PPP1CA: variants seen among roughly 807,000 people sequenced by gnomAD.
The protein encoded by PPP1CA is serine/threonine-protein phosphatase PP1-alpha catalytic subunit.
A neutral mutation model predicts 38.5 loss-of-function variants in PPP1CA; 14 were observed. The observed-to-expected ratio is 0.36, with a 90% CI of 0.24 to 0.57. The LOEUF is 0.57. PPP1CA is among the 20% of genes least tolerant of loss of function. PPP1CA has a pLI of 0.80. For missense variants in PPP1CA, 277 were observed against 435.2 expected (o/e 0.64, Z 3.23); for synonymous variants, 200 against 177.3 (o/e 1.13, Z -1.02).
chr11:67,400,360 C>T (rs1443158893), intron 3 of PPP1CA, among the ~76,000 whole-genome samples: 1 of 152,236 alleles, frequency 6.6e-6, no homozygotes, highest in Non-Finnish European at 1.5e-5. Context: ...TGAGCCGGGC[C>T]AAGTCCAGGT....
In PPP1CA at chr11:67,399,604, G is replaced by A; in HGVS notation, c.480C>T (p.Pro160=). The change falls in exon 4 of 7, where the codon CCC becomes CCT. Residue 160 remains proline (P), a synonymous_variant. Transcript: ENST00000376745. ...KTFTDCFNCL[P]IAAIVDEKIF... ...TCTTTTCGTCCACTATGGCCGCGAT[G>A]GGCAGGCAGTTGAAGCAGTCAGTGA... is the stretch of plus-strand genomic sequence containing the variant. The A allele has an allele frequency of 1.9e-6, 3 of 1,614,082 alleles. No individual in the cohort carries two copies. Among genetic ancestry groups the A allele is most frequent in the Non-Finnish European group, 2.5e-6 (3 of 1,179,980 alleles).
rs776853710 is a variant in PPP1CA, at chr11:67,398,741, G to A, written c.863C>T (p.Thr288Ile). The change falls in exon 6 of 7, where the codon ACC becomes ATC. Residue 288 changes from threonine to isoleucine, a missense_variant. Thr to Ile is a moderately conservative substitution (Grantham distance 89). Around this residue, in one of 3 missense-constraint regions of PPP1CA, gnomAD observed 180 missense variants for 356.7 expected, o/e 0.50. Coordinates refer to ENST00000376745, the MANE Select transcript of PPP1CA (RefSeq NM_002708.4). ...NAGAMMSVDE[T>I]LMCSFQILKP... ...ACTCACCTGGAAAGAGCACATGAGG[G>A]TCTCGTCCACACTCATCATGGCGCC... 9 of 1,613,796 alleles carry A rather than the reference G, an allele frequency of 5.6e-6. No homozygotes were observed. The highest frequency in any genetic ancestry group is 5.9e-6 in the Non-Finnish European group (7 of 1,180,016).
In PPP1CA at chr11:67,399,199, G is replaced by C. The variant is rs755238731; in HGVS notation, c.524-36C>G. The stretch of plus-strand genomic sequence containing the variant: ...GGGGGAAGGTCACTTCCTCAAACAA[G>C]GACATCCTCCCTCCAGGAAGCCTTG... On this transcript the variant is annotated intron_variant, in intron 4 of 6. Coordinates refer to ENST00000376745, the MANE Select transcript of PPP1CA (RefSeq NM_002708.4). The C allele has an allele frequency of 2.5e-6, 4 of 1,579,466 alleles. No individual in the cohort carries two copies. The South Asian group carries it at 4.4e-5, about 18-fold the overall frequency.
chr11:67,401,636 A>C (rs1286724525), intron 1 of PPP1CA, 92 bp downstream of exon 1: 4 of 1,122,142 alleles, frequency 3.6e-6, no homozygotes, highest in East Asian at 7.1e-5. Context: ...CGCCCAGTCT[A>C]AGCTGGCCCC....
At position 67,398,378 on chromosome 11, in the gene PPP1CA, C is replaced by T. The variant is rs757168027; in HGVS notation, c.*157G>A. On this transcript the variant is annotated 3_prime_UTR_variant, in exon 7 of 7. Transcript: ENST00000376745. ...AGCAGCCCTGGGGGACTGGACGCTGCTATTGATTCATTAAAAAAAGAAAAG... is the reference window on the plus strand; with the variant it reads ...AGCAGCCCTGGGGGACTGGACGCTGTTATTGATTCATTAAAAAAAGAAAAG... 106 of 734,924 alleles carry T rather than the reference C, an allele frequency of 1.4e-4. 4 individuals carry two copies. The highest frequency in any genetic ancestry group is 5.8e-4 in the South Asian group (31 of 53,436). The allele number at this position is 734,924 out of a possible 1,614,324, so 45.5% of individuals were successfully genotyped here. A position where few individuals can be genotyped will look rare whatever the true frequency, so the allele number is the denominator to read the frequency against.
At position 67,399,579 on chromosome 11, in the gene PPP1CA, T is replaced by C; in HGVS notation, c.505A>G (p.Ile169Val). ...CCCTCACCTCCGTGGCAGCAGAAGA[T>C]CTTTTCGTCCACTATGGCCGCGATG... ...LPIAAIVDEK[I>V]FCCHGGLSPD... Residue 169 changes from isoleucine (I) to valine (V), a missense_variant, in exon 4 of 7, where the codon ATC becomes GTC. Around this residue, in one of 3 missense-constraint regions of PPP1CA, gnomAD observed 180 missense variants for 356.7 expected, o/e 0.50. Transcript: ENST00000376745. The C allele has an allele frequency of 6.2e-7, 1 of 1,614,054 alleles. No homozygotes were observed. The highest frequency in any genetic ancestry group is 8.5e-7 in the Non-Finnish European group (1 of 1,179,970).
intron 2 of PPP1CA, 69 bp downstream of exon 2, chr11:67,400,999 G>A: frequency 6.2e-7 from 1 of 1,608,502 alleles, no homozygotes; most frequent in South Asian, 1.1e-5. Context: ...AAGGGAGGAG[G>A]GCTCCAGGAA....
intron 3 of PPP1CA, 54 bp downstream of exon 3, chr11:67,400,635 T>C: frequency 6.6e-7 from 1 of 1,523,228 alleles, no homozygotes; most frequent in Non-Finnish European, 9.1e-7. Context: ...TCCCACTGAA[T>C]GGCAAAGAGT....
rs368989050 is a variant in PPP1CA, at chr11:67,399,009, G to A, written c.678C>T (p.Thr226=). Residue 226 remains threonine (T), a synonymous_variant, in exon 5 of 7, where the codon ACC becomes ACT. Coordinates refer to ENST00000376745, the MANE Select transcript of PPP1CA (RefSeq NM_002708.4). ...WGENDRGVSF[T]FGAEVVAKFL... is the part of the protein sequence containing the mutation. ...ACTTGGCCACCACCTCGGCTCCAAA[G>A]GTAAAAGAGACGCCACGGTCGTTCT... is the stretch of plus-strand genomic sequence containing the variant. 7.4e-6 allele frequency: 12 copies of A among 1,613,372 alleles called. No homozygotes were observed. The highest frequency in any genetic ancestry group is 1.3e-5 in the African/African-American group (1 of 74,928).
Position 67,398,759 on chromosome 11 carries a change from A to C in PPP1CA, c.845T>G (p.Met282Arg). Reference protein sequence around the residue: ...YCGEFDNAGAMMSVDETLMCS... With the variant: ...YCGEFDNAGARMSVDETLMCS... ...CATGAGGGTCTCGTCCACACTCATC[A>C]TGGCGCCAGCATTGTCAAACTCGCC... Residue 282 changes from methionine (M) to arginine (R), a missense_variant, in exon 6 of 7, where the codon ATG becomes AGG. By Grantham distance (91) the Met-to-Arg change is moderately conservative (BLOSUM62 -1). Coordinates refer to ENST00000376745, the MANE Select transcript of PPP1CA (RefSeq NM_002708.4). 1 of 1,613,890 alleles carries C rather than the reference A, an allele frequency of 6.2e-7. No homozygotes were observed. Among genetic ancestry groups the C allele is most frequent in the Non-Finnish European group, 8.5e-7 (1 of 1,180,008 alleles).
In PPP1CA at chr11:67,401,786, G is replaced by T; in HGVS notation, c.-4C>A. ...TGAGCTTCTCGCTGTCGGACATGGC[G>T]GCGCCGCCGCTCCAGCCCAGCAGCT... On this transcript the variant is annotated 5_prime_UTR_variant, in exon 1 of 7. Coordinates refer to ENST00000376745, the MANE Select transcript of PPP1CA (RefSeq NM_002708.4). 6 of 1,465,956 alleles carry T rather than the reference G, an allele frequency of 4.1e-6. No individual in the cohort carries two copies. Among genetic ancestry groups the T allele is most frequent in the African/African-American group, 1.5e-5 (1 of 68,874 alleles). The allele number at this position is 1,465,956 out of a possible 1,614,324, so 90.8% of individuals were successfully genotyped here. A position where few individuals can be genotyped will look rare whatever the true frequency, so the allele number is the denominator to read the frequency against.
chr11:67,401,661 G>T, intron 1 of PPP1CA, 67 bp downstream of exon 1: 1 of 1,232,482 alleles, frequency 8.1e-7, no homozygotes, highest in Non-Finnish European at 1.0e-6. Context: ...GCCCGCCCGC[G>T]CGCCACTTCC....
chr11:67,401,799 C>A lies in PPP1CA; in HGVS notation c.-17G>T. 1 of 1,463,230 alleles carries A rather than the reference C, an allele frequency of 6.8e-7. No homozygotes were observed. Among genetic ancestry groups the A allele is most frequent in the East Asian group, 2.9e-5 (1 of 34,498 alleles). 90.6% of individuals were successfully genotyped at this position (1,463,230 alleles called of 1,614,324 possible). The stretch of plus-strand genomic sequence containing the variant: ...GTCGGACATGGCGGCGCCGCCGCTC[C>A]AGCCCAGCAGCTCCTGGCCCGCTCC... On this transcript the variant is annotated 5_prime_UTR_variant, in exon 1 of 7. Coordinates refer to ENST00000376745, the MANE Select transcript of PPP1CA (RefSeq NM_002708.4).
At chr11:67,401,685 G>T in intron 1 of PPP1CA, 43 bp downstream of exon 1, 10 of 1,357,580 alleles carry the variant, frequency 7.4e-6, no homozygotes, top group Non-Finnish European at 9.6e-6. Flanking sequence ...CCGGGCAGGG[G>T]GCCAGGGCGC....
Position 67,401,114 on chromosome 11 carries a change from C to T in PPP1CA, c.141G>A (p.Leu47=). The T allele has an allele frequency of 6.2e-7, 1 of 1,613,930 alleles. No homozygotes were observed. Among genetic ancestry groups the T allele is most frequent in the Non-Finnish European group, 8.5e-7 (1 of 1,180,006 alleles). ...GLCLKSREIF[L]SQPILLELEA... ...CCAGCTCCAGAAGAATGGGCTGGCT[C>T]AGAAAAATCTCCCGGGATTTCAGGC... is the stretch of plus-strand genomic sequence containing the variant. The change falls in exon 2 of 7, where the codon CTG becomes CTA. Residue 47 remains leucine, a synonymous_variant. Transcript: ENST00000376745.
chr11:67,398,957 T>G lies in PPP1CA; in HGVS notation c.730A>C (p.Ile244Leu). The change falls in exon 5 of 7, where the codon ATC becomes CTC. Residue 244 changes from isoleucine to leucine, a missense_variant. Physicochemically the swap from Ile to Leu is conservative, Grantham distance 5. This residue lies in a region of PPP1CA where 180 missense variants were observed against 356.7 expected (regional missense o/e 0.50). Transcript: ENST00000376745. ...KFLHKHDLDLICRAHQVVEDG... is the reference protein window; with the variant it reads ...KFLHKHDLDLLCRAHQVVEDG... ...CAGCCCACCTGGTGTGCTCGGCAGA[T>G]GAGGTCCAAGTCGTGCTTGTGGAGG... The G allele has an allele frequency of 6.2e-7, 1 of 1,613,244 alleles. No homozygotes were observed. The highest frequency in any genetic ancestry group is 1.3e-5 in the African/African-American group (1 of 75,022).
intron 1 of PPP1CA, 81 bp from the exon 2 acceptor site, chr11:67,401,280 G>A: frequency 1.3e-6 from 2 of 1,594,140 alleles, no homozygotes; most frequent in Middle Eastern, 3.4e-4. Flanking sequence ...GGATACCTCC[G>A]GGGGCGCCTA....
rs757625545 is a variant in PPP1CA, at chr11:67,401,787, G to A, written c.-5C>T. The A allele has an allele frequency of 2.0e-6, 3 of 1,467,344 alleles. No individual in the cohort carries two copies. Among genetic ancestry groups the A allele is most frequent in the Non-Finnish European group, 2.7e-6 (3 of 1,100,082 alleles). The allele number at this position is 1,467,344 out of a possible 1,614,324, so 90.9% of individuals were successfully genotyped here. A position where few individuals can be genotyped will look rare whatever the true frequency, so the allele number is the denominator to read the frequency against. ...GAGCTTCTCGCTGTCGGACATGGCGGCGCCGCCGCTCCAGCCCAGCAGCTC... is the reference window on the plus strand; with the variant it reads ...GAGCTTCTCGCTGTCGGACATGGCGACGCCGCCGCTCCAGCCCAGCAGCTC... On this transcript the variant is annotated 5_prime_UTR_variant, in exon 1 of 7. Transcript: ENST00000376745.
At position 67,401,138 on chromosome 11, in the gene PPP1CA, G is replaced by A. The variant is rs368968813; in HGVS notation, c.117C>T (p.Cys39=). 6.2e-7 allele frequency: 1 copy of A among 1,613,952 alleles called. No individual in the cohort carries two copies. The highest frequency in any genetic ancestry group is 8.5e-7 in the Non-Finnish European group (1 of 1,180,010). Residue 39 remains cysteine (C), a synonymous_variant, in exon 2 of 7, where the codon TGC becomes TGT. Transcript: ENST00000376745. ...TCAGAAAAATCTCCCGGGATTTCAGGCACAGACCGCGGATCTCGTTCTCTG... is the reference window on the plus strand; with the variant it reads ...TCAGAAAAATCTCCCGGGATTTCAGACACAGACCGCGGATCTCGTTCTCTG... ...QLTENEIRGL[C]LKSREIFLSQ...
Sources: gnomAD v4.1 joint callset for allele counts (sites outside exome capture counted in the v4.1 genomes callset) on GRCh38, gnomAD v4.1.1 for gene constraint, gnomAD v4.1.1 regional missense constraint, MANE v1.5 for transcripts, NCBI Gene and HGNC (gene_info 2026-07-23, HGNC 2026-07-21) for gene names.